PRKDC: variants seen among roughly 807,000 people sequenced by gnomAD.
The protein encoded by PRKDC is protein kinase, DNA-activated, catalytic subunit.
A neutral mutation model predicts 486.9 loss-of-function variants in PRKDC; 82 were observed. That is an observed-to-expected ratio of 0.17 (90% confidence interval 0.14 to 0.20). The LOEUF (loss-of-function observed/expected upper bound fraction) is 0.20. PRKDC is among the 10% of genes least tolerant of loss of function. The pLI is 1.00. For missense variants in PRKDC, 4,504 were observed against 5,038.2 expected, an observed-to-expected ratio of 0.89 and a Z score of 3.21; for synonymous variants, 1,895 against 1,837.0, an observed-to-expected ratio of 1.03 and a Z score of -0.81.
chr8:47,936,517 G>A lies in PRKDC; in HGVS notation c.1114C>T (p.Pro372Ser). ...AIRGYGLFAG[P>S]CKVINAKDVD... ...TCTTTTGCGTTTATAACCTTGCACG[G>A]CTTTAGAAAAGGTAAAACAGAAGTC... Residue 372 changes from proline (P) to serine (S), a missense_variant and splice_region_variant, in exon 12 of 86, where the codon CCG becomes TCG. Physicochemically the swap from Pro to Ser is moderately conservative, Grantham distance 74. Coordinates refer to ENST00000314191, the MANE Select transcript of PRKDC (RefSeq NM_006904.7). 6.2e-7 allele frequency: 1 copy of A among 1,613,640 alleles called. No homozygotes were observed. The highest frequency in any genetic ancestry group is 8.5e-7 in the Non-Finnish European group (1 of 1,179,704).
chr8:47,842,367 T>A (rs2088168490), intron 54 of PRKDC, among the ~76,000 whole-genome samples: 1 of 152,004 alleles, frequency 6.6e-6, no homozygotes, highest in South Asian at 2.1e-4. Context: ...TAGTCTGAAT[T>A]ATATCACTAA....
intron 21 of PRKDC, among the ~76,000 whole-genome samples, chr8:47,926,328 G>A (rs2090156405): frequency 6.6e-6 from 1 of 152,072 alleles, no homozygotes; most frequent in Admixed American, 6.6e-5. Flanking sequence ...ATGCACTGAG[G>A]ATGTCAGAAA....
In PRKDC at chr8:47,778,990, AAAAC is replaced by A; in HGVS notation, c.11579+10_11579+13del. ...GAACTAACTAATACAAAGAAAAATCAAAACCAAACTTACTTATACATTAGCATGT... is the reference window on the plus strand; with the variant it reads ...GAACTAACTAATACAAAGAAAAATCACAAACTTACTTATACATTAGCATGT... On this transcript the variant is annotated intron_variant, in intron 81 of 85. Transcript: ENST00000314191. 1.3e-6 allele frequency: 2 copies of A among 1,560,556 alleles called. No individual in the cohort carries two copies. Among genetic ancestry groups the A allele is most frequent in the South Asian group, 2.4e-5 (2 of 82,130 alleles).
At position 47,788,833 on chromosome 8, in the gene PRKDC, T is replaced by C. The variant is rs945617783; in HGVS notation, c.10902+73A>G. 5.3e-6 allele frequency: 7 copies of C among 1,314,346 alleles called. No individual in the cohort carries two copies. The South Asian group carries it at 1.2e-4, about 22-fold the overall frequency. 81.4% of individuals were successfully genotyped at this position (1,314,346 alleles called of 1,614,324 possible). ...TGATTACATTTAATACAAATATTAT[T>C]ACATTTAATAATGTAACTATTGACT... On this transcript the variant is annotated intron_variant, in intron 76 of 85. Coordinates refer to ENST00000314191, the MANE Select transcript of PRKDC (RefSeq NM_006904.7).
rs1589745135 is a variant in PRKDC, at chr8:47,855,455, G to C, written c.6610-82C>G. On this transcript the variant is annotated intron_variant, in intron 49 of 85. Transcript: ENST00000314191. ...TTTTAACTCAAGTTCATTTATAAAAGAAATCTGGCATTTTACAGGAGTCCG... is the reference window on the plus strand; with the variant it reads ...TTTTAACTCAAGTTCATTTATAAAACAAATCTGGCATTTTACAGGAGTCCG... The C allele has an allele frequency of 2.2e-6, 3 of 1,390,810 alleles. No individual in the cohort carries two copies. In the East Asian group the frequency reaches 7.7e-5, roughly 36 times the overall value. The allele number at this position is 1,390,810 out of a possible 1,614,324, so 86.2% of individuals were successfully genotyped here.
chr8:47,858,660 C>T, intron 47 of PRKDC, 25 bp from the exon 48 acceptor site: 1 of 1,473,286 alleles, frequency 6.8e-7, no homozygotes. Context: ...TCAAAATTAC[C>T]TTAAAACGTG....
intron 32 of PRKDC, 56 bp from the exon 33 acceptor site, chr8:47,889,278 A>G: frequency 6.9e-7 from 1 of 1,446,958 alleles, no homozygotes; most frequent in Non-Finnish European, 9.3e-7. Flanking sequence ...TATTTTCACC[A>G]AAGTGCAGGG....
intron 22 of PRKDC, among the ~76,000 whole-genome samples, 187 bp from the exon 23 acceptor site, chr8:47,915,605 G>C (rs180681440): frequency 6.6e-6 from 1 of 152,170 alleles, no homozygotes; most frequent in African/African-American, 2.4e-5. Context: ...GTTTTATGTA[G>C]GTCCTGTTTA....
intron 61 of PRKDC, 138 bp from the exon 62 acceptor site, chr8:47,828,485 A>G: frequency 1.5e-6 from 1 of 689,268 alleles, no homozygotes; most frequent in Non-Finnish European, 2.3e-6. Context: ...GGAAAGACTT[A>G]GCAGGCATTG....
At chr8:47,954,208 G>T in intron 5 of PRKDC, 130 bp downstream of exon 5, 1 of 474,240 alleles carries the variant, frequency 2.1e-6, no homozygotes, top group Non-Finnish European at 3.6e-6. Flanking sequence ...GTTCCATTTT[G>T]GTTTATTTTC....
chr8:47,779,795 G>A (rs1327371576), intron 80 of PRKDC, among the ~76,000 whole-genome samples: 6 of 151,946 alleles, frequency 3.9e-5, no homozygotes, highest in Non-Finnish European at 7.4e-5. Flanking sequence ...TCACCACGTT[G>A]GCCAGGCTGG....
At chr8:47,867,520 AAAATTT>A (rs2088845350) in intron 40 of PRKDC, among the ~76,000 whole-genome samples, 1 of 152,246 alleles carries the variant, frequency 6.6e-6, no homozygotes, top group Admixed American at 6.5e-5. Context: ...GCTAAAATGA[AAAATTT>A]AAACTTCATC....
At chr8:47,936,037 C>T (rs2090345107) in intron 12 of PRKDC, 137 bp from the exon 13 acceptor site, 2 of 897,300 alleles carry the variant, frequency 2.2e-6, no homozygotes, top group South Asian at 4.5e-5. Context: ...TAACCTGCTG[C>T]TTAACATGTA....
intron 25 of PRKDC, among the ~76,000 whole-genome samples, chr8:47,907,805 A>C (rs530313160): frequency 2.6e-5 from 4 of 152,212 alleles, no homozygotes; most frequent in Admixed American, 2.6e-4. Context: ...GTGTATATAC[A>C]CGTGTAAAAA....
intron 80 of PRKDC, among the ~76,000 whole-genome samples, chr8:47,781,590 G>C (rs911807383): frequency 9.2e-5 from 14 of 151,784 alleles, no homozygotes; most frequent in African/African-American, 3.4e-4. Flanking sequence ...AAAACAAAAA[G>C]GAAATAAAAA....
At chr8:47,923,836 C>A (rs2090113436) in intron 21 of PRKDC, among the ~76,000 whole-genome samples, 1 of 152,168 alleles carries the variant, frequency 6.6e-6, no homozygotes, top group Non-Finnish European at 1.5e-5. Flanking sequence ...GTGAACAAGC[C>A]TGGACTAGCC....
chr8:47,834,388 T>C lies in PRKDC; in HGVS notation c.7960A>G (p.Ser2654Gly). The C allele has an allele frequency of 6.2e-7, 1 of 1,613,238 alleles. No homozygotes were observed. Among genetic ancestry groups the C allele is most frequent in the East Asian group, 2.2e-5 (1 of 44,870 alleles). ...CTCCCGGTCAGCCAATCAAATGAGCTTCTTCCATCTGTGACATGCAATCAG... is the reference window on the plus strand; with the variant it reads ...CTCCCGGTCAGCCAATCAAATGAGCCTCTTCCATCTGTGACATGCAATCAG... ...FTLTQTADGRSSFDWLTGSST... is the reference protein window; with the variant it reads ...FTLTQTADGRGSFDWLTGSST... The change falls in exon 59 of 86, where the codon AGC (serine) becomes GGC (glycine). Residue 2654 changes from serine to glycine, a missense_variant. Coordinates refer to ENST00000314191, the MANE Select transcript of PRKDC (RefSeq NM_006904.7).
chr8:47,866,059 G>C (rs1340740739), intron 40 of PRKDC, among the ~76,000 whole-genome samples: 1 of 151,616 alleles, frequency 6.6e-6, no homozygotes, highest in African/African-American at 2.4e-5. Flanking sequence ...AGGAGGCTGA[G>C]GCAGGAGAAT....
At chr8:47,778,322 C>T in intron 83 of PRKDC, 137 bp downstream of exon 83, 1 of 925,274 alleles carries the variant, frequency 1.1e-6, no homozygotes, top group South Asian at 1.7e-5. Context: ...TTATCCCTTT[C>T]TGCATTCAAT....
Sources: allele counts gnomAD v4.1 joint callset (sites outside exome capture counted in the v4.1 genomes callset), GRCh38; gene constraint gnomAD v4.1.1; transcripts MANE v1.5; gene names NCBI Gene and HGNC (gene_info 2026-07-23, HGNC 2026-07-21).